Variants in CENPP observed in about 807,000 individuals in gnomAD.
CENPP encodes centromere protein P.
CENPP carries 24 observed loss-of-function variants against 35.6 expected under a neutral mutation model. That is an observed-to-expected ratio of 0.67 (90% CI 0.49 to 0.95). The LOEUF (loss-of-function observed/expected upper bound fraction) is 0.95. CENPP is among the 40% of genes least tolerant of loss of function. The probability of loss-of-function intolerance (pLI) is 0.00; values close to 1 mark genes in which losing one functional copy is unlikely to be tolerated. For missense variants in CENPP, 332 were observed against 345.3 expected, an observed-to-expected ratio of 0.96 and a Z score of 0.31; for synonymous variants, 120 against 125.5, an observed-to-expected ratio of 0.96 and a Z score of 0.29.
At chr9:92,522,724 C>T (rs1038930580) in intron 5 of CENPP, 1 of 1,614,040 alleles carries the variant, frequency 6.2e-7, no homozygotes, top group Admixed American at 1.7e-5. Context: ...TCTGTTTGAT[C>T]TGTGCTTGTG....
At chr9:92,443,134 A>C (rs1283471232) in intron 5 of CENPP, among the ~76,000 whole-genome samples, 1 of 152,240 alleles carries the variant, frequency 6.6e-6, no homozygotes, top group Non-Finnish European at 1.5e-5. Flanking sequence ...CTTTAATTAC[A>C]GTAGACATAA....
intron 1 of CENPP, among the ~76,000 whole-genome samples, chr9:92,327,942 T>TAA (rs1840621072): frequency 6.6e-6 from 1 of 152,174 alleles, no homozygotes; most frequent in Non-Finnish European, 1.5e-5. Context: ...CTGCAACTCT[T>TAA]ACGATCTCTA....
rs1045713222 is a variant in CENPP at position 92,494,597 on chromosome 9, G to A, written c.564+114738G>A. Among the ~76,000 whole-genome samples, 3 of 152,070 alleles carry A rather than the reference G, an allele frequency of 2.0e-5. 1 individual carries two copies. The highest frequency in any genetic ancestry group is 6.5e-5 in the Admixed American group (1 of 15,268). On this transcript the variant is annotated intron_variant, in intron 5 of 7. Coordinates refer to ENST00000375587, the MANE Select transcript of CENPP (RefSeq NM_001012267.3). Reference sequence around the variant, plus strand: ...CTGAATCCTACCTATTAAGAAAGTAGGCTTAGAAGTAACATTATGGAATAA... The same window carrying A: ...CTGAATCCTACCTATTAAGAAAGTAAGCTTAGAAGTAACATTATGGAATAA...
chr9:92,466,494 C>G (rs41278699), intron 5 of CENPP: 2 of 1,613,810 alleles, frequency 1.2e-6, no homozygotes, highest in East Asian at 2.2e-5. Context: ...GGGACAGATA[C>G]AGCCTTCGCA....
At chr9:92,418,990 A>G (rs1257269761) in intron 5 of CENPP, among the ~76,000 whole-genome samples, 3 of 152,204 alleles carry the variant, frequency 2.0e-5, no homozygotes, top group African/African-American at 7.2e-5. Flanking sequence ...CAAAAATATT[A>G]TTAAAAACAC....
intron 5 of CENPP, chr9:92,522,844 C>T: frequency 3.7e-6 from 6 of 1,605,934 alleles, no homozygotes; most frequent in Non-Finnish European, 5.1e-6. Flanking sequence ...CAGAAAAAAA[C>T]AAAACAAAAC....
In CENPP at chr9:92,619,792, CT is replaced by C. The variant is rs1016084471; in HGVS notation, c.*6644del. 11 of 556,332 alleles carry C rather than the reference CT, an allele frequency of 2.0e-5. No homozygotes were observed. Among genetic ancestry groups the C allele is most frequent in the Admixed American group, 1.2e-4 (4 of 33,202 alleles). 34.5% of individuals were successfully genotyped at this position (556,332 alleles called of 1,614,324 possible). On this transcript the variant is annotated 3_prime_UTR_variant, in exon 8 of 8. Transcript: ENST00000375587. ...GCTGCTCAGAGGCCAGCACCGCCCC[CT>C]GACCTCTCACGGCAAGCAGTGTGGG...
At chr9:92,586,563 G>GAAA (rs1850546877) in intron 5 of CENPP, among the ~76,000 whole-genome samples, 1 of 152,212 alleles carries the variant, frequency 6.6e-6, no homozygotes, top group Non-Finnish European at 1.5e-5. Context: ...GACCTAAGAG[G>GAAA]AGACTAGCTT....
intron 5 of CENPP, chr9:92,403,145 T>A (rs1564302061): frequency 1.2e-6 from 1 of 801,234 alleles, no homozygotes; most frequent in East Asian, 2.7e-5. Context: ...CCCTTCCCCT[T>A]ACCTTATCAG....
chr9:92,375,213 G>T (rs539401806), intron 4 of CENPP, among the ~76,000 whole-genome samples: 1 of 151,572 alleles, frequency 6.6e-6, no homozygotes, highest in African/African-American at 2.4e-5. Context: ...AAGTCTCTTA[G>T]GCTCCGTTTA....
chr9:92,412,730 A>G (rs1341709503), intron 5 of CENPP, among the ~76,000 whole-genome samples: 1 of 152,198 alleles, frequency 6.6e-6, no homozygotes, highest in African/African-American at 2.4e-5. Context: ...CTGTATGGAT[A>G]TATCACATTT....
intron 5 of CENPP, among the ~76,000 whole-genome samples, chr9:92,454,484 A>G (rs532526920): frequency 6.6e-6 from 1 of 152,296 alleles, no homozygotes; most frequent in South Asian, 2.1e-4. Flanking sequence ...TTACTTTTAC[A>G]TATGTTCTTA....
Position 92,337,605 on chromosome 9 carries a change from T to G in CENPP, c.354T>G (p.Leu118=), listed in dbSNP as rs548299550. Residue 118 remains leucine, a synonymous_variant, in exon 3 of 8, where the codon CTT becomes CTG. Transcript: ENST00000375587. ...SGNCHMVTFQ[L]EFQILEIQNK... Reference sequence around the variant, plus strand: ...ATTGCCACATGGTTACATTTCAACTTGAATTTCAGATTCTGGAAATTCAGG... The same window carrying G: ...ATTGCCACATGGTTACATTTCAACTGGAATTTCAGATTCTGGAAATTCAGG... 1 of 1,604,266 alleles carries G rather than the reference T, an allele frequency of 6.2e-7. No homozygotes were observed. Among genetic ancestry groups the G allele is most frequent in the Non-Finnish European group, 8.5e-7 (1 of 1,171,038 alleles).
intron 5 of CENPP, among the ~76,000 whole-genome samples, chr9:92,439,659 T>A (rs992021087): frequency 6.6e-6 from 1 of 152,252 alleles, no homozygotes; most frequent in African/African-American, 2.4e-5. Context: ...CTTCTCTTTG[T>A]CTTCCTATTA....
At chr9:92,354,204 G>C (rs1841533543) in intron 4 of CENPP, among the ~76,000 whole-genome samples, 1 of 152,226 alleles carries the variant, frequency 6.6e-6, no homozygotes, top group African/African-American at 2.4e-5. Flanking sequence ...CCCATATCCG[G>C]AGTAAGTGTC....
intron 5 of CENPP, among the ~76,000 whole-genome samples, chr9:92,505,170 G>A (rs1846925476): frequency 6.6e-6 from 1 of 152,202 alleles, no homozygotes; most frequent in South Asian, 2.1e-4. Context: ...GTTAATACCT[G>A]TTTGAGCTTC....
At position 92,345,736 on chromosome 9, in the gene CENPP, A is replaced by T; in HGVS notation, c.416A>T (p.Asn139Ile). The T allele has an allele frequency of 6.2e-7, 1 of 1,602,430 alleles. No individual in the cohort carries two copies. The highest frequency in any genetic ancestry group is 8.5e-7 in the Non-Finnish European group (1 of 1,170,248). ...TTATCTTCTGCTGTTACTGACCTCAACATAATAATGGAGCCCACAGAATGC... is the reference window on the plus strand; with the variant it reads ...TTATCTTCTGCTGTTACTGACCTCATCATAATAATGGAGCCCACAGAATGC... ...ERLSSAVTDL[N>I]IIMEPTECSE... The change falls in exon 4 of 8, where the codon AAC becomes ATC. Residue 139 changes from asparagine to isoleucine, a missense_variant. Coordinates refer to ENST00000375587, the MANE Select transcript of CENPP (RefSeq NM_001012267.3).
At chr9:92,334,583 TA>T (rs1840862698) in intron 2 of CENPP, among the ~76,000 whole-genome samples, 1 of 151,892 alleles carries the variant, frequency 6.6e-6, no homozygotes, top group South Asian at 2.1e-4. Context: ...ACTCATTATT[TA>T]AAAATAAAAA....
chr9:92,566,175 C>G (rs1177697335), intron 5 of CENPP, among the ~76,000 whole-genome samples: 1 of 151,818 alleles, frequency 6.6e-6, no homozygotes. Flanking sequence ...ATGTCGGGTG[C>G]CTGTAATCCC....
Sources: allele counts gnomAD v4.1 joint callset (sites outside exome capture counted in the v4.1 genomes callset), GRCh38; gene constraint gnomAD v4.1.1; transcripts MANE v1.5; gene names NCBI Gene and HGNC (gene_info 2026-07-23, HGNC 2026-07-21).